RELL1: variants seen among roughly 807,000 people sequenced by gnomAD.
The protein encoded by RELL1 is RELT-like protein 1.
RELL1 carries 10 observed loss-of-function variants against 23.0 expected under a neutral mutation model. The ratio of observed to expected loss-of-function variants is 0.43; its 90% confidence interval spans 0.27 to 0.74. RELL1 has a LOEUF of 0.74. Ranked by LOEUF, RELL1 falls within the 30% of genes least tolerant of loss-of-function variation. RELL1 has a pLI of 0.19. For synonymous variants in RELL1, 146 were observed against 146.8 expected (o/e 0.99, Z 0.04); for missense variants, 315 against 364.4 (o/e 0.86, Z 1.10).
chr4:37,678,687 G>C (rs1245341422), intron 1 of RELL1, among the ~76,000 whole-genome samples: 1 of 152,212 alleles, frequency 6.6e-6, no homozygotes, highest in Non-Finnish European at 1.5e-5. Flanking sequence ...TTTAGCCTAG[G>C]CAATAATAAT....
rs1357538650 is a variant in RELL1, at chr4:37,612,647, A to AAAAAAAAAAAAAAAAC, written c.*698_*699insGTTTTTTTTTTTTTTT. On this transcript the variant is annotated 3_prime_UTR_variant, in exon 7 of 7. Coordinates refer to ENST00000454158, the MANE Select transcript of RELL1 (RefSeq NM_001085400.2). ...GCGAGACTCTGCCTCAAAAAAAAAAAAAAAAAAACCTTCTCAAAATGTGTA... is the reference window on the plus strand; with the variant it reads ...GCGAGACTCTGCCTCAAAAAAAAAAAAAAAAAAAAAAAAAACAAAAAAAACCTTCTCAAAATGTGTA... Among the ~76,000 whole-genome samples the AAAAAAAAAAAAAAAAC allele has an allele frequency of 1.3e-5, 2 of 151,762 alleles. No homozygotes were observed. Among genetic ancestry groups the AAAAAAAAAAAAAAAAC allele is most frequent in the African/African-American group, 4.9e-5 (2 of 41,164 alleles).
At chr4:37,628,002 C>A (rs1720007901) in intron 6 of RELL1, among the ~76,000 whole-genome samples, 1 of 152,026 alleles carries the variant, frequency 6.6e-6, no homozygotes, top group South Asian at 2.1e-4. Context: ...AAAATCAAGT[C>A]ATGTTAAATG....
At chr4:37,599,007 A>T (rs1172622284) in intron 6 of RELL1, among the ~76,000 whole-genome samples, 1 of 152,122 alleles carries the variant, frequency 6.6e-6, no homozygotes, top group Non-Finnish European at 1.5e-5. Context: ...TTTAAAGGTG[A>T]CATAATATGC....
intron 6 of RELL1, among the ~76,000 whole-genome samples, chr4:37,630,117 A>G (rs1319214933): frequency 3.3e-5 from 5 of 150,636 alleles, no homozygotes; most frequent in African/African-American, 1.2e-4. Context: ...CCTCTCCCCC[A>G]TTGCCCGCCC....
intron 1 of RELL1, among the ~76,000 whole-genome samples, chr4:37,660,435 C>A (rs567610634): frequency 3.7e-4 from 56 of 152,270 alleles, no homozygotes; most frequent in Admixed American, 3.5e-3. Flanking sequence ...GGCCAAATCC[C>A]AACAGCTCTC....
At chr4:37,685,441 C>A (rs1722369385) in intron 1 of RELL1, among the ~76,000 whole-genome samples, 1 of 152,144 alleles carries the variant, frequency 6.6e-6, no homozygotes, top group South Asian at 2.1e-4. Flanking sequence ...TGACATAGGA[C>A]TTCCATAAAA....
At chr4:37,645,457 T>C (rs1339019348) in intron 3 of RELL1, among the ~76,000 whole-genome samples, 1 of 152,200 alleles carries the variant, frequency 6.6e-6, no homozygotes, top group Admixed American at 6.5e-5. Flanking sequence ...CCAACTACTG[T>C]GCCCTGAAGG....
intron 6 of RELL1, among the ~76,000 whole-genome samples, chr4:37,604,918 CAGACACACACACACAG>C (rs1418890218): frequency 5.8e-5 from 4 of 69,220 alleles, no homozygotes; most frequent in Admixed American, 1.6e-4. Flanking sequence ...CACACACACA[CAGACACACACACACAG>C]ACACACACAT....
intron 3 of RELL1, among the ~76,000 whole-genome samples, chr4:37,639,875 C>G (rs1331044304): frequency 6.6e-6 from 1 of 152,226 alleles, no homozygotes; most frequent in Non-Finnish European, 1.5e-5. Context: ...CTAGTTCCAA[C>G]TGCTGCTGTA....
intron 6 of RELL1, among the ~76,000 whole-genome samples, chr4:37,594,717 T>C (rs547295430): frequency 7.9e-5 from 12 of 152,340 alleles, no homozygotes; most frequent in Non-Finnish European, 1.8e-4. Context: ...CATCTGTCCA[T>C]GCTCAGTAAG....
At chr4:37,663,677 C>T (rs1364732680) in intron 1 of RELL1, among the ~76,000 whole-genome samples, 2 of 152,174 alleles carry the variant, frequency 1.3e-5, no homozygotes, top group African/African-American at 4.8e-5. Context: ...TAACAAGCCT[C>T]GGTGTGTAGG....
At chr4:37,590,205 G>C (rs1217761327), downstream of RELL1, 13 of 1,614,092 alleles carry the variant, frequency 8.1e-6, no homozygotes, top group African/African-American at 2.7e-5. Flanking sequence ...GTGAAGTCTT[G>C]GTGCAGAAAA....
In RELL1 at chr4:37,660,827, C is replaced by G. The variant is rs547439013; in HGVS notation, c.89-11327G>C. ...CGGGCAGATCACAAGGTCAGGAGATCAAGACCATCCTGGCTAACACGGTGA... is the reference window on the plus strand; with the variant it reads ...CGGGCAGATCACAAGGTCAGGAGATGAAGACCATCCTGGCTAACACGGTGA... On this transcript the variant is annotated intron_variant, in intron 1 of 6. Coordinates refer to ENST00000454158, the MANE Select transcript of RELL1 (RefSeq NM_001085400.2). Among the ~76,000 whole-genome samples, 170 of 152,204 alleles carry G rather than the reference C, an allele frequency of 1.1e-3. 1 individual carries two copies. The highest frequency in any genetic ancestry group is 6.8e-3 in the Middle Eastern group (2 of 294).
intron 6 of RELL1, among the ~76,000 whole-genome samples, chr4:37,618,397 T>A (rs541779758): frequency 9.2e-5 from 14 of 152,020 alleles, no homozygotes; most frequent in Admixed American, 2.6e-4. Flanking sequence ...TTTTTTATTT[T>A]TTTTTATTTA....
At chr4:37,673,461 A>G (rs1291440864) in intron 1 of RELL1, among the ~76,000 whole-genome samples, 2 of 152,016 alleles carry the variant, frequency 1.3e-5, no homozygotes, top group African/African-American at 2.4e-5. Context: ...CAAAGTGCTG[A>G]GATTACAGGC....
chr4:37,621,400 G>A (rs1037579294), intron 6 of RELL1, among the ~76,000 whole-genome samples: 3 of 151,980 alleles, frequency 2.0e-5, no homozygotes, highest in East Asian at 1.9e-4. Context: ...AGCTTGCAGT[G>A]AGCCAAGATC....
chr4:37,598,474 G>T (rs1718936200), intron 6 of RELL1, among the ~76,000 whole-genome samples: 1 of 151,942 alleles, frequency 6.6e-6, no homozygotes, highest in Non-Finnish European at 1.5e-5. Context: ...TTTCAGTACT[G>T]CTATGTGTTA....
chr4:37,641,936 T>A (rs958470226), intron 3 of RELL1, among the ~76,000 whole-genome samples: 3 of 152,158 alleles, frequency 2.0e-5, no homozygotes, highest in South Asian at 4.1e-4. Flanking sequence ...TTTACAAGTA[T>A]ACAGACTAAG....
chr4:37,615,236 A>ACTAT (rs554060407), intron 6 of RELL1, among the ~76,000 whole-genome samples: 275 of 152,358 alleles, frequency 1.8e-3, no homozygotes, highest in African/African-American at 6.4e-3. Context: ...TAAAAACTGC[A>ACTAT]CTATCTGTAA....
Sources: allele counts gnomAD v4.1 joint callset (sites outside exome capture counted in the v4.1 genomes callset), GRCh38; gene constraint gnomAD v4.1.1; transcripts MANE v1.5; gene names NCBI Gene and HGNC (gene_info 2026-07-23, HGNC 2026-07-21).